Variants in LMF1 observed in about 807,000 individuals in gnomAD.
The protein encoded by LMF1 is transmembrane protein 112.
LMF1 carries 68 observed loss-of-function variants against 60.6 expected under a neutral mutation model. The ratio of observed to expected loss-of-function variants is 1.12; its 90% CI spans 0.92 to 1.37. The LOEUF is 1.37. LMF1 is among the 40% of genes most tolerant of loss of function. LMF1 has a pLI of 0.00. For missense variants in LMF1, 948 were observed against 767.2 expected (o/e 1.24, Z -2.78); for synonymous variants, 418 against 324.7 (o/e 1.29, Z -3.09).
intron 2 of LMF1, chr16:952,752 C>A (rs1011692626): frequency 1.3e-5 from 2 of 155,110 alleles, no homozygotes; most frequent in African/African-American, 4.8e-5. Flanking sequence ...AGCGCATCCC[C>A]AGCTTCCTAC....
At chr16:895,460 G>A (rs1051466306) in intron 4 of LMF1, among the ~76,000 whole-genome samples, 10 of 152,222 alleles carry the variant, frequency 6.6e-5, no homozygotes, top group South Asian at 2.1e-4. Context: ...CGGGGCGGCC[G>A]TGGGCCCCTA....
chr16:869,228 T>A (rs1301221905), intron 9 of LMF1, 172 bp from the exon 10 acceptor site: 7 of 664,066 alleles, frequency 1.1e-5, no homozygotes, highest in Non-Finnish European at 1.9e-5. Context: ...GCTGCCTGCT[T>A]CGTGTAGCCC....
chr16:945,441 G>T (rs2072214278), intron 2 of LMF1, among the ~76,000 whole-genome samples: 1 of 151,848 alleles, frequency 6.6e-6, no homozygotes, highest in African/African-American at 2.4e-5. Context: ...AGGTAGGATT[G>T]CTTGAGCCCA....
rs1211729808 is a variant in LMF1 at position 953,911 on chromosome 16, ACC to A, written c.503+444_503+445del. Reference sequence around the variant, plus strand: ...CAGCCTCCTACACGTCCACACAGACACCCACCCCAAACCAGCTTCCTACACGT... The same window carrying A: ...CAGCCTCCTACACGTCCACACAGACACACCCCAAACCAGCTTCCTACACGT... On this transcript the variant is annotated intron_variant, in intron 2 of 10. Coordinates refer to ENST00000262301, the MANE Select transcript of LMF1 (RefSeq NM_022773.4). Among the ~76,000 whole-genome samples, 10 of 99,776 alleles carry A rather than the reference ACC, an allele frequency of 1.0e-4. 1 individual carries two copies. Among genetic ancestry groups the A allele is most frequent in the African/African-American group, 3.3e-4 (9 of 27,034 alleles). The allele number at this position is 99,776 out of a possible 152,430, so 65.5% of individuals were successfully genotyped here.
intron 4 of LMF1, among the ~76,000 whole-genome samples, chr16:908,124 C>G (rs1195618748): frequency 6.6e-6 from 1 of 152,218 alleles, no homozygotes; most frequent in Admixed American, 6.5e-5. Context: ...GCATCCACAT[C>G]TGTGCATATT....
At chr16:914,177 G>GA (rs2071202162) in intron 3 of LMF1, among the ~76,000 whole-genome samples, 1 of 151,862 alleles carries the variant, frequency 6.6e-6, no homozygotes, top group African/African-American at 2.4e-5. Flanking sequence ...CCCCTCCTAG[G>GA]AGGGGAGATA....
chr16:887,791 C>G (rs1163204582), intron 5 of LMF1, among the ~76,000 whole-genome samples: 2 of 151,998 alleles, frequency 1.3e-5, no homozygotes, highest in Admixed American at 6.5e-5. Flanking sequence ...AGACAGTGAC[C>G]TCAGGCAGGG....
chr16:891,255 C>T (rs1399305952), intron 5 of LMF1, among the ~76,000 whole-genome samples: 1 of 152,234 alleles, frequency 6.6e-6, no homozygotes, highest in East Asian at 1.9e-4. Flanking sequence ...ACACCACACC[C>T]TGGTGGTCCT....
At chr16:882,449 G>A (rs1419280533) in intron 5 of LMF1, among the ~76,000 whole-genome samples, 2 of 152,266 alleles carry the variant, frequency 1.3e-5, no homozygotes, top group Non-Finnish European at 2.9e-5. Flanking sequence ...AAGCTGTGAG[G>A]AAGCCAATGG....
At chr16:967,114 C>A (rs1158969833) in intron 1 of LMF1, among the ~76,000 whole-genome samples, 1 of 152,222 alleles carries the variant, frequency 6.6e-6, no homozygotes, top group Non-Finnish European at 1.5e-5. Flanking sequence ...CTGTAACAGA[C>A]ACAGGGCTGC....
At chr16:910,833 CG>C in intron 4 of LMF1, 97 bp downstream of exon 4, 1 of 1,486,794 alleles carries the variant, frequency 6.7e-7, no homozygotes, top group Admixed American at 1.8e-5. Flanking sequence ...CAGAGGGCGG[CG>C]GGGGAGGAAG....
chr16:901,203 G>C (rs962826000), intron 4 of LMF1: 3 of 152,236 alleles, frequency 2.0e-5, no homozygotes, highest in Non-Finnish European at 4.4e-5. Context: ...CCAGCAACAA[G>C]GACCCTGGCT....
At chr16:859,471 G>A (rs1343968878) in intron 10 of LMF1, among the ~76,000 whole-genome samples, 1 of 112,040 alleles carries the variant, frequency 8.9e-6, no homozygotes, top group Non-Finnish European at 1.7e-5. Context: ...GTGGTGTCTC[G>A]GGACGGGTGT....
chr16:971,886 G>A (rs989558589), upstream of LMF1, among the ~76,000 whole-genome samples: 4 of 152,162 alleles, frequency 2.6e-5, no homozygotes, highest in East Asian at 1.9e-4. Context: ...CACTCTTTAC[G>A]TATGAAAAAT....
rs534329836 is a variant in LMF1, at chr16:926,572, C to A, written c.514+7672G>T. On this transcript the variant is annotated intron_variant, in intron 3 of 10. Transcript: ENST00000262301. ...AATGGACGGAACCGGGAGGTTAACA[C>A]GGGGTGGATGTAAATTAGATGAAAA... Among the ~76,000 whole-genome samples the A allele has an allele frequency of 5.3e-5, 8 of 152,116 alleles. No individual in the cohort carries two copies. In the South Asian group the frequency reaches 1.7e-3, roughly 32 times the overall value.
At chr16:924,000 A>G (rs888321725) in intron 3 of LMF1, among the ~76,000 whole-genome samples, 4 of 152,276 alleles carry the variant, frequency 2.6e-5, no homozygotes, top group Non-Finnish European at 5.9e-5. Flanking sequence ...AAAGGCAACT[A>G]TGAACTCCAG....
intron 1 of LMF1, among the ~76,000 whole-genome samples, chr16:970,009 G>T (rs1031319855): frequency 6.6e-6 from 1 of 152,122 alleles, no homozygotes; most frequent in African/African-American, 2.4e-5. Flanking sequence ...CGCGGGCCCC[G>T]CACAGCTGTG....
At chr16:854,847 A>G in intron 10 of LMF1, 141 bp from the exon 11 acceptor site, 1 of 777,010 alleles carries the variant, frequency 1.3e-6, no homozygotes, top group Non-Finnish European at 2.2e-6. Context: ...CACCCTGAGC[A>G]CAGGTAGACC....
intron 9 of LMF1, 108 bp downstream of exon 9, chr16:869,775 T>C (rs999942249): frequency 1.7e-6 from 2 of 1,167,038 alleles, no homozygotes; most frequent in Admixed American, 2.1e-5. Flanking sequence ...TCTCCCAGCC[T>C]CCCTCCCCAC....
Sources: gnomAD v4.1 joint callset for allele counts (sites outside exome capture counted in the v4.1 genomes callset) on GRCh38, gnomAD v4.1.1 for gene constraint, MANE v1.5 for transcripts, NCBI Gene and HGNC (gene_info 2026-07-23, HGNC 2026-07-21) for gene names.